TCOF1: variants seen among roughly 807,000 people sequenced by gnomAD.
TCOF1 encodes treacle protein.
Under a neutral mutation model 149.0 loss-of-function variants are expected in TCOF1, and 33 were observed. That is an observed-to-expected ratio of 0.22 (90% confidence interval 0.17 to 0.30). TCOF1 has a LOEUF of 0.30. Ranked by LOEUF, TCOF1 falls within the 10% of genes least tolerant of loss-of-function variation. TCOF1 has a pLI of 1.00. For missense variants in TCOF1, 1,728 were observed against 1,840.7 expected (o/e 0.94, Z 1.12); for synonymous variants, 789 against 738.8 (o/e 1.07, Z -1.10).
chr5:150,382,010 A>C (rs1765315669), intron 17 of TCOF1, among the ~76,000 whole-genome samples: 1 of 152,218 alleles, frequency 6.6e-6, no homozygotes, highest in Middle Eastern at 3.2e-3. Context: ...AGCCTGGCCA[A>C]CATGGCGAAA....
intron 18 of TCOF1, 117 bp from the exon 19 acceptor site, chr5:150,389,770 A>G: frequency 6.4e-7 from 1 of 1,572,706 alleles, no homozygotes; most frequent in Non-Finnish European, 8.7e-7. Flanking sequence ...CTACCTCTGT[A>G]AGCCCTGAGC....
At chr5:150,373,887 C>A (rs1031045531) in intron 7 of TCOF1, among the ~76,000 whole-genome samples, 3 of 152,172 alleles carry the variant, frequency 2.0e-5, no homozygotes, top group African/African-American at 7.2e-5. Flanking sequence ...CCAGGGGGAA[C>A]CATGTTAAGG....
chr5:150,377,734 A>G (rs1764149510), intron 14 of TCOF1, among the ~76,000 whole-genome samples: 1 of 150,496 alleles, frequency 6.6e-6, no homozygotes, highest in Non-Finnish European at 1.5e-5. Context: ...TTCCAGACCC[A>G]ATGCCTTACA....
intron 17 of TCOF1, chr5:150,385,157 G>T: frequency 1.1e-6 from 1 of 904,694 alleles, no homozygotes; most frequent in Non-Finnish European, 1.3e-6. Flanking sequence ...AATATATGCA[G>T]TTTCACTTGT....
intron 17 of TCOF1, among the ~76,000 whole-genome samples, chr5:150,387,252 G>A (rs1766476073): frequency 6.6e-6 from 1 of 152,210 alleles, no homozygotes; most frequent in Non-Finnish European, 1.5e-5. Context: ...GCCACGTACG[G>A]CATTGAGTTA....
chr5:150,367,095 G>A (rs946373193), intron 3 of TCOF1, among the ~76,000 whole-genome samples: 2 of 152,002 alleles, frequency 1.3e-5, no homozygotes, highest in Non-Finnish European at 1.5e-5. Flanking sequence ...CACGAGGTCA[G>A]GAGATCAAGA....
intron 2 of TCOF1, 137 bp from the exon 3 acceptor site, chr5:150,363,976 A>G: frequency 1.6e-6 from 2 of 1,268,730 alleles, no homozygotes; most frequent in African/African-American, 1.5e-5. Context: ...TTGTGCCTAT[A>G]CTGTGTTTTC....
At chr5:150,369,640 G>C (rs1163659352) in intron 6 of TCOF1, 38 bp downstream of exon 6, 1 of 1,610,006 alleles carries the variant, frequency 6.2e-7, no homozygotes, top group East Asian at 2.2e-5. Flanking sequence ...CCCTCTCCCA[G>C]CCTCTAACCC....
rs1247946578 is a variant in TCOF1, at chr5:150,376,274, A to G, written c.2086A>G (p.Ser696Gly). ...GAGACCAGCAGAGGATTCTTCAAGC[A>G]GTGAGGAATCAGATAGTGAGGAAGA... ...TQRPAEDSSS[S>G]EESDSEEEKT... The change falls in exon 13 of 27, where the codon AGT (serine) becomes GGT (glycine). Residue 696 changes from serine (S) to glycine (G), a missense_variant. This residue lies in a region of TCOF1 where 1,696 missense variants were observed against 1,765.4 expected (regional missense o/e 0.96). Transcript: ENST00000643257. 1 of 1,614,170 alleles carries G rather than the reference A, an allele frequency of 6.2e-7. No individual in the cohort carries two copies. Among genetic ancestry groups the G allele is most frequent in the East Asian group, 2.2e-5 (1 of 44,878 alleles).
intron 7 of TCOF1, among the ~76,000 whole-genome samples, chr5:150,373,084 G>A (rs957395982): frequency 6.6e-6 from 1 of 152,154 alleles, no homozygotes; most frequent in African/African-American, 2.4e-5. Context: ...GAACACAAAT[G>A]TGAATTTTTT....
At chr5:150,365,394 C>T (rs1205811068) in intron 3 of TCOF1, among the ~76,000 whole-genome samples, 2 of 151,442 alleles carry the variant, frequency 1.3e-5, no homozygotes, top group Non-Finnish European at 1.5e-5. Flanking sequence ...TATTATATAT[C>T]GCTTAATTTT....
At chr5:150,361,406 T>C (rs1245109587) in intron 2 of TCOF1, among the ~76,000 whole-genome samples, 195 bp downstream of exon 2, 11 of 152,110 alleles carry the variant, frequency 7.2e-5, no homozygotes, top group Non-Finnish European at 1.0e-4. Flanking sequence ...GGAGGGGACA[T>C]TGAGAGCTGT....
chr5:150,379,452 C>G, intron 16 of TCOF1, 44 bp downstream of exon 16: 1 of 1,614,108 alleles, frequency 6.2e-7, no homozygotes, highest in Non-Finnish European at 8.5e-7. Flanking sequence ...TGGGATGTAA[C>G]ACCTTTGCCA....
At chr5:150,393,208 G>A in intron 22 of TCOF1, 164 bp from the exon 23 acceptor site, 1 of 778,552 alleles carries the variant, frequency 1.3e-6, no homozygotes, top group South Asian at 1.5e-5. Flanking sequence ...CACGCCAAGG[G>A]CTGAAGTGCT....
At chr5:150,368,654 T>C in intron 4 of TCOF1, 62 bp from the exon 5 acceptor site, 1 of 1,594,842 alleles carries the variant, frequency 6.3e-7, no homozygotes, top group Admixed American at 1.7e-5. Context: ...CAGATGCAAG[T>C]GGCCTGTGCT....
intron 22 of TCOF1, chr5:150,393,115 A>C: frequency 1.7e-6 from 1 of 592,512 alleles, no homozygotes. Flanking sequence ...AAAGCTAGTA[A>C]TTTTCCATTT....
At chr5:150,384,742 G>C (rs767824368) in intron 17 of TCOF1, 578 of 985,366 alleles carry the variant, frequency 5.9e-4, no homozygotes, top group Non-Finnish European at 6.3e-4. Context: ...GGGGAAGACG[G>C]GCATAGCCCG....
intron 14 of TCOF1, among the ~76,000 whole-genome samples, chr5:150,377,345 C>T (rs1253888422): frequency 6.6e-6 from 1 of 152,142 alleles, no homozygotes; most frequent in African/African-American, 2.4e-5. Flanking sequence ...TAGGTGAGAT[C>T]TCACCTGCTA....
At chr5:150,365,251 TTC>T (rs1382016380) in intron 3 of TCOF1, among the ~76,000 whole-genome samples, 1 of 144,830 alleles carries the variant, frequency 6.9e-6, no homozygotes, top group Non-Finnish European at 1.5e-5. Flanking sequence ...TTCTTTTTCT[TTC>T]TTTTTTTTTT....
Sources: allele counts gnomAD v4.1 joint callset (sites outside exome capture counted in the v4.1 genomes callset), GRCh38; gene constraint gnomAD v4.1.1; regional missense constraint gnomAD v4.1.1; transcripts MANE v1.5; gene names NCBI Gene and HGNC (gene_info 2026-07-23, HGNC 2026-07-21).